AP1M1: variants seen among roughly 807,000 people sequenced by gnomAD.
AP1M1 encodes the protein adaptor related protein complex 1 subunit mu 1, also known as AP-1 complex subunit mu-1.
In AP1M1, 18 loss-of-function variants were observed where a neutral mutation model predicts 57.1. That is an observed-to-expected ratio of 0.32 (90% CI 0.22 to 0.47). The LOEUF is 0.47. Ranked by LOEUF, AP1M1 falls within the 20% of genes least tolerant of loss-of-function variation. AP1M1 has a pLI of 1.00. For missense variants in AP1M1, 362 were observed against 593.5 expected (o/e 0.61, Z 4.05); for synonymous variants, 241 against 237.9 (o/e 1.01, Z -0.12).
In AP1M1 at chr19:16,197,972, C is replaced by T; in HGVS notation, c.-55C>T. 1.3e-6 allele frequency: 2 copies of T among 1,504,280 alleles called. No homozygotes were observed. The highest frequency in any genetic ancestry group is 1.8e-6 in the Non-Finnish European group (2 of 1,119,472). The allele number at this position is 1,504,280 out of a possible 1,614,324, so 93.2% of individuals were successfully genotyped here. A position where few individuals can be genotyped will look rare whatever the true frequency, so the allele number is the denominator to read the frequency against. On this transcript the variant is annotated 5_prime_UTR_variant, in exon 1 of 12. Coordinates refer to ENST00000291439, the MANE Select transcript of AP1M1 (RefSeq NM_032493.4). ...CTTGCTCAACGCCCAGCAGTCCCCA[C>T]CGTCGCTGCCGCCGCCACCGCCCTC...
At chr19:16,222,016 C>T (rs1231965228) in intron 5 of AP1M1, among the ~76,000 whole-genome samples, 2 of 151,752 alleles carry the variant, frequency 1.3e-5, no homozygotes, top group African/African-American at 4.8e-5. Context: ...TTTACTCTTC[C>T]TTCAGGACTC....
chr19:16,234,565 C>T lies in AP1M1; in HGVS notation c.*130C>T. On this transcript the variant is annotated 3_prime_UTR_variant, in exon 12 of 12. Coordinates refer to ENST00000291439, the MANE Select transcript of AP1M1 (RefSeq NM_032493.4). ...CACCCTCCCAGCCTCTGCCCAGGGA[C>T]CCCTGCCTTCCCCAGGCCATCTGCT... 1.7e-6 allele frequency: 2 copies of T among 1,154,716 alleles called. No homozygotes were observed. The highest frequency in any genetic ancestry group is 2.5e-6 in the Non-Finnish European group (2 of 800,350). 71.5% of individuals were successfully genotyped at this position (1,154,716 alleles called of 1,614,324 possible). A position where few individuals can be genotyped will look rare whatever the true frequency, so the allele number is the denominator to read the frequency against.
In AP1M1 at chr19:16,200,041, C is replaced by G. The variant is rs115805750; in HGVS notation, c.42+1973C>G. On this transcript the variant is annotated intron_variant, in intron 1 of 11. Coordinates refer to ENST00000291439, the MANE Select transcript of AP1M1 (RefSeq NM_032493.4). Reference sequence around the variant, plus strand: ...CACTTTCCTCACTGGTCAAAAGAGGCTTTTATGGAGTTATTGTGCAGATTT... The same window carrying G: ...CACTTTCCTCACTGGTCAAAAGAGGGTTTTATGGAGTTATTGTGCAGATTT... Among the ~76,000 whole-genome samples the G allele has an allele frequency of 2.0e-3, 305 of 152,276 alleles. 1 individual carries two copies. Among genetic ancestry groups the G allele is most frequent in the African/African-American group, 7.2e-3 (298 of 41,544 alleles).
chr19:16,209,438 C>G (rs1473035549), intron 5 of AP1M1, among the ~76,000 whole-genome samples: 1 of 152,150 alleles, frequency 6.6e-6, no homozygotes, highest in Non-Finnish European at 1.5e-5. Context: ...TCAGGCGATT[C>G]TCCTGCCTCA....
intron 5 of AP1M1, among the ~76,000 whole-genome samples, chr19:16,212,767 C>G (rs149770950): frequency 6.6e-6 from 1 of 152,234 alleles, no homozygotes; most frequent in South Asian, 2.1e-4. Context: ...CTGCCCTAGC[C>G]GTGTCCCAGA....
chr19:16,199,000 G>A (rs747703694), intron 1 of AP1M1, among the ~76,000 whole-genome samples: 1 of 152,056 alleles, frequency 6.6e-6, no homozygotes, highest in Non-Finnish European at 1.5e-5. Flanking sequence ...TAGAGGCAGG[G>A]TTTCACCATG....
chr19:16,226,579 A>C (rs2091572270), intron 6 of AP1M1, 32 bp downstream of exon 6: 1 of 1,557,412 alleles, frequency 6.4e-7, no homozygotes, highest in African/African-American at 1.3e-5. Flanking sequence ...CCTGCCCATG[A>C]GGATGGCCTC....
chr19:16,234,542 C>T lies in AP1M1; in HGVS notation c.*107C>T, dbSNP rs1159339652. On this transcript the variant is annotated 3_prime_UTR_variant, in exon 12 of 12. Coordinates refer to ENST00000291439, the MANE Select transcript of AP1M1 (RefSeq NM_032493.4). Reference sequence around the variant, plus strand: ...AGGGGCCCTCCCTGGTCTCTGGCCACCCTCCCAGCCTCTGCCCAGGGACCC... The same window carrying T: ...AGGGGCCCTCCCTGGTCTCTGGCCATCCTCCCAGCCTCTGCCCAGGGACCC... 5.5e-6 allele frequency: 8 copies of T among 1,441,544 alleles called. No individual in the cohort carries two copies. In the Admixed American group the frequency reaches 1.5e-4, roughly 27 times the overall value. 89.3% of individuals were successfully genotyped at this position (1,441,544 alleles called of 1,614,324 possible).
At chr19:16,224,389 C>T (rs1357706209) in intron 5 of AP1M1, among the ~76,000 whole-genome samples, 1 of 152,240 alleles carries the variant, frequency 6.6e-6, no homozygotes, top group Non-Finnish European at 1.5e-5. Context: ...TCCCACTCCT[C>T]CAAACAGGTC....
In AP1M1 at chr19:16,234,373, G is replaced by A. The variant is rs1297737141; in HGVS notation, c.1250-40G>A. 7 of 1,613,822 alleles carry A rather than the reference G, an allele frequency of 4.3e-6. No homozygotes were observed. The African/African-American group carries it at 8.0e-5, about 18-fold the overall frequency. ...CGGGTCGGGTCCCGAAAGCAGGGAGGGTGCAGAGCCCAGCATGACGCCTCC... is the reference window on the plus strand; with the variant it reads ...CGGGTCGGGTCCCGAAAGCAGGGAGAGTGCAGAGCCCAGCATGACGCCTCC... On this transcript the variant is annotated intron_variant, in intron 11 of 11. Transcript: ENST00000291439.
Position 16,241,543 on chromosome 19 carries a change from A to T in AP1M1, c.*7108A>T, listed in dbSNP as rs1380839044. ...AGTACTAGACAACATCCTGGTGTTC[A>T]TGCCTTTCAAGGTCACTATGCTATT... On this transcript the variant is annotated 3_prime_UTR_variant, in exon 12 of 12. Transcript: ENST00000291439. The T allele has an allele frequency of 1.3e-5, 2 of 152,196 alleles. No individual in the cohort carries two copies. The highest frequency in any genetic ancestry group is 1.5e-5 in the Non-Finnish European group (1 of 68,044). The allele number at this position is 152,196 out of a possible 1,614,324, so 9.4% of individuals were successfully genotyped here. A position where few individuals can be genotyped will look rare whatever the true frequency, so the allele number is the denominator to read the frequency against.
intron 5 of AP1M1, chr19:16,210,469 G>A (rs2091488994): frequency 1.4e-6 from 1 of 706,532 alleles, no homozygotes; most frequent in Non-Finnish European, 2.6e-6. Flanking sequence ...AACAGATGAG[G>A]GTTGTGATGA....
In AP1M1 at chr19:16,207,913, G is replaced by A; in HGVS notation, c.268-106G>A. 1 of 1,417,198 alleles carries A rather than the reference G, an allele frequency of 7.1e-7. No individual in the cohort carries two copies. The highest frequency in any genetic ancestry group is 9.6e-7 in the Non-Finnish European group (1 of 1,038,916). 87.8% of individuals were successfully genotyped at this position (1,417,198 alleles called of 1,614,324 possible). On this transcript the variant is annotated intron_variant, in intron 3 of 11. Transcript: ENST00000291439. This position sits in a 1 kb window ranked among gnomAD's most constrained non-coding sequence, Gnocchi z 4.2. ...CACCGAGCCTGGGAAGTAGGCTGTT[G>A]GTAGGACTTAGCGGGCAAATGAATG...
Position 16,227,948 on chromosome 19 carries a change from C to T in AP1M1, c.817-189C>T, listed in dbSNP as rs927487691. On this transcript the variant is annotated intron_variant, in intron 7 of 11. Transcript: ENST00000291439. This position sits in a 1 kb window ranked among gnomAD's most constrained non-coding sequence, Gnocchi z 6.2. ...GTTTTCTGCATTTGCCCCAAGGCCTCCCCGGTAGCTCCCGGCTACCTCGGC... is the reference window on the plus strand; with the variant it reads ...GTTTTCTGCATTTGCCCCAAGGCCTTCCCGGTAGCTCCCGGCTACCTCGGC... 1.3e-4 allele frequency among the ~76,000 whole-genome samples: 20 copies of T among 152,226 alleles called. No individual in the cohort carries two copies. The highest frequency in any genetic ancestry group is 4.8e-4 in the African/African-American group (20 of 41,464).
At chr19:16,233,759 G>C in intron 10 of AP1M1, 141 bp downstream of exon 10, 1 of 1,193,550 alleles carries the variant, frequency 8.4e-7, no homozygotes, top group Non-Finnish European at 1.1e-6. Flanking sequence ...CCTCCCCACA[G>C]ACAGGGTGAG....
In AP1M1 at chr19:16,203,911, G is replaced by A. The variant is rs1481090619; in HGVS notation, c.199+296G>A. 5.9e-5 allele frequency among the ~76,000 whole-genome samples: 9 copies of A among 152,294 alleles called. No homozygotes were observed. In the South Asian group the frequency reaches 6.2e-4, roughly 11 times the overall value. ...GAGGCCTGGCTTCTGCCAGCTGGAG[G>A]GGTGGGCAGGCACTAGGCGTGGGTG... On this transcript the variant is annotated intron_variant, in intron 2 of 11. Transcript: ENST00000291439. This position sits in a 1 kb window ranked among gnomAD's most constrained non-coding sequence, Gnocchi z 4.6.
In AP1M1 at chr19:16,234,920, A is replaced by C. The variant is rs1242333017; in HGVS notation, c.*485A>C. On this transcript the variant is annotated 3_prime_UTR_variant, in exon 12 of 12. Coordinates refer to ENST00000291439, the MANE Select transcript of AP1M1 (RefSeq NM_032493.4). ...TTGTGCATTCGTTGCTGTTTGTGTTACCCTCACTGTCCCCATGTCCCACCC... is the reference window on the plus strand; with the variant it reads ...TTGTGCATTCGTTGCTGTTTGTGTTCCCCTCACTGTCCCCATGTCCCACCC... 5.7e-6 allele frequency: 1 copy of C among 176,806 alleles called. No homozygotes were observed. Among genetic ancestry groups the C allele is most frequent in the African/African-American group, 2.4e-5 (1 of 42,230 alleles). 11.0% of individuals were successfully genotyped at this position (176,806 alleles called of 1,614,324 possible).
At position 16,208,984 on chromosome 19, in the gene AP1M1, T is replaced by C. The variant is rs778339498; in HGVS notation, c.399-46T>C. ...AATGTCAAGGCCAGAAGCTGTGGCG[T>C]TGGTGCGGGTACCACCTCCTTCACT... On this transcript the variant is annotated intron_variant, in intron 4 of 11. Transcript: ENST00000291439. 5.7e-6 allele frequency: 9 copies of C among 1,582,378 alleles called. No individual in the cohort carries two copies. The East Asian group carries it at 6.8e-5, about 12-fold the overall frequency.
At chr19:16,208,837 AT>A (rs1465906785) in intron 4 of AP1M1, 192 bp from the exon 5 acceptor site, 3 of 580,586 alleles carry the variant, frequency 5.2e-6, no homozygotes, top group Non-Finnish European at 8.8e-6. Flanking sequence ...AATTGTGAAG[AT>A]TTTTCTGTAT....
Sources: gnomAD v4.1 joint callset for allele counts (sites outside exome capture counted in the v4.1 genomes callset) on GRCh38, gnomAD v4.1.1 for gene constraint, Gnocchi (gnomAD v3.1) non-coding constraint, MANE v1.5 for transcripts, NCBI Gene and HGNC (gene_info 2026-07-23, HGNC 2026-07-21) for gene names.